The following SBNO1 variants were observed in gnomAD, a reference collection of about 807,000 sequenced individuals.
SBNO1 encodes protein strawberry notch homolog 1.
Under a neutral mutation model 173.6 loss-of-function variants are expected in SBNO1, and 23 were observed. That is an observed-to-expected ratio of 0.13 (90% CI 0.10 to 0.19). The LOEUF is 0.19. SBNO1 is among the 10% of genes least tolerant of loss of function. The probability of loss-of-function intolerance (pLI) is 1.00; values close to 1 mark genes in which losing one functional copy is unlikely to be tolerated. For synonymous variants in SBNO1, 632 were observed against 571.5 expected (o/e 1.11, Z -1.51); for missense variants, 1,238 against 1,671.2 (o/e 0.74, Z 4.52).
At chr12:123,301,657 C>A (rs892024605) in intron 30 of SBNO1, among the ~76,000 whole-genome samples, 1 of 152,174 alleles carries the variant, frequency 6.6e-6, no homozygotes, top group African/African-American at 2.4e-5. Flanking sequence ...CAAGACTCAA[C>A]AACAAAAGTT....
intron 28 of SBNO1, among the ~76,000 whole-genome samples, chr12:123,308,878 C>A (rs2048987060): frequency 6.6e-6 from 1 of 152,110 alleles, no homozygotes; most frequent in African/African-American, 2.4e-5. Context: ...CCGAGGCAGG[C>A]AGGTCACCTG....
intron 16 of SBNO1, among the ~76,000 whole-genome samples, chr12:123,322,357 T>A (rs1193017989): frequency 6.6e-6 from 1 of 151,984 alleles, no homozygotes; most frequent in East Asian, 1.9e-4. Flanking sequence ...TGCAGTGGCA[T>A]AATCTTGGCT....
Position 123,323,726 on chromosome 12 carries a change from C to A in SBNO1, c.2079G>T (p.Ser693=). ...IDLTAPSNNS[S]PRDSPCKENK... is the part of the protein sequence containing the mutation. ...TTTCTTTACAAGGACTATCTCTTGGCGAACTGTTGTTACTTGGAGCTGTCA... is the reference window on the plus strand; with the variant it reads ...TTTCTTTACAAGGACTATCTCTTGGAGAACTGTTGTTACTTGGAGCTGTCA... The change falls in exon 16 of 32, where the codon TCG becomes TCT. Residue 693 remains serine, a synonymous_variant. Coordinates refer to ENST00000602398, the MANE Select transcript of SBNO1 (RefSeq NM_001167856.3). 1.2e-6 allele frequency: 2 copies of A among 1,612,084 alleles called. No homozygotes were observed. Among genetic ancestry groups the A allele is most frequent in the Non-Finnish European group, 1.7e-6 (2 of 1,179,328 alleles).
chr12:123,332,953 T>C (rs573103828), intron 7 of SBNO1, among the ~76,000 whole-genome samples: 8 of 150,968 alleles, frequency 5.3e-5, no homozygotes, highest in Non-Finnish European at 1.2e-4. Context: ...TAAAACCCCA[T>C]CTCCACTAAA....
rs546234185 is a variant in SBNO1 at position 123,314,107 on chromosome 12, A to G, written c.3121-388T>C. On this transcript the variant is annotated intron_variant, in intron 23 of 31. Coordinates refer to ENST00000602398, the MANE Select transcript of SBNO1 (RefSeq NM_001167856.3). ...CTCTCAACAAAACCCCAAAAAACCCACAAACTTATTGTACCAAAGATTCAA... is the reference window on the plus strand; with the variant it reads ...CTCTCAACAAAACCCCAAAAAACCCGCAAACTTATTGTACCAAAGATTCAA... Among the ~76,000 whole-genome samples the G allele has an allele frequency of 2.0e-5, 3 of 152,194 alleles. No homozygotes were observed. In the East Asian group the frequency reaches 5.8e-4, roughly 29 times the overall value.
Position 123,295,992 on chromosome 12 carries a change from G to C in SBNO1, c.4098C>G (p.Asp1366Glu). The C allele has an allele frequency of 1.2e-6, 2 of 1,613,964 alleles. No homozygotes were observed. Among genetic ancestry groups the C allele is most frequent in the Non-Finnish European group, 1.7e-6 (2 of 1,179,854 alleles). The change falls in exon 32 of 32, where the codon GAC (aspartate) becomes GAG (glutamate). Residue 1366 changes from aspartate to glutamate, a missense_variant. Physicochemically the swap from Asp to Glu is conservative, Grantham distance 45 (BLOSUM62 2). Around this residue, in one of 14 missense-constraint regions of SBNO1, gnomAD observed 351 missense variants for 420.3 expected, o/e 0.84. Coordinates refer to ENST00000602398, the MANE Select transcript of SBNO1 (RefSeq NM_001167856.3). ...SPLVNLLSTS[D>E]QSQQLAVQQK... ...GTTGGACCGCAAGCTGTTGAGACTG[G>C]TCTGAAGTTGATAGGAGATTTACAA...
intron 6 of SBNO1, among the ~76,000 whole-genome samples, chr12:123,335,183 T>C (rs1593382970): frequency 6.6e-6 from 1 of 152,178 alleles, no homozygotes. Flanking sequence ...CTCACGCCTG[T>C]AATCTCAGCA....
rs747256208 is a variant in SBNO1, at chr12:123,289,665, C to T, written c.*6243G>A. The T allele has an allele frequency of 2.0e-5, 3 of 152,204 alleles. No homozygotes were observed. The highest frequency in any genetic ancestry group is 1.9e-4 in the East Asian group (1 of 5,208). 9.4% of individuals were successfully genotyped at this position (152,204 alleles called of 1,614,324 possible). On this transcript the variant is annotated 3_prime_UTR_variant, in exon 32 of 32. Coordinates refer to ENST00000602398, the MANE Select transcript of SBNO1 (RefSeq NM_001167856.3). ...AGAGATACAGTGTACCTCTTCCCAC[C>T]TCTCATGGATGATGGAAGATACAAG...
chr12:123,314,977 A>G (rs1869105565), intron 23 of SBNO1, among the ~76,000 whole-genome samples: 1 of 151,648 alleles, frequency 6.6e-6, no homozygotes, highest in African/African-American at 2.4e-5. Flanking sequence ...TCCTGACCTC[A>G]AGTGATCCAC....
intron 28 of SBNO1, among the ~76,000 whole-genome samples, chr12:123,305,488 G>GT (rs1474941733): frequency 2.6e-5 from 4 of 151,124 alleles, no homozygotes; most frequent in African/African-American, 9.7e-5. Flanking sequence ...TTTTTTTTTT[G>GT]TTTTTGAGAC....
At chr12:123,344,417 G>T (rs1334490229) in intron 4 of SBNO1, among the ~76,000 whole-genome samples, 1 of 152,224 alleles carries the variant, frequency 6.6e-6, no homozygotes, top group African/African-American at 2.4e-5. Flanking sequence ...CAAGGACACA[G>T]TGGTATGGAC....
intron 28 of SBNO1, among the ~76,000 whole-genome samples, chr12:123,306,533 A>G (rs796175146): frequency 2.6e-5 from 4 of 152,328 alleles, no homozygotes; most frequent in African/African-American, 9.6e-5. Flanking sequence ...CAACGGTGAT[A>G]TTCTGGCAAT....
chr12:123,363,223 G>A (rs939248258), intron 1 of SBNO1, among the ~76,000 whole-genome samples: 1 of 152,208 alleles, frequency 6.6e-6, no homozygotes, highest in African/African-American at 2.4e-5. Context: ...TTCTTTAAAA[G>A]ATGAGAGAAA....
chr12:123,338,591 A>C (rs1379466044), intron 5 of SBNO1, among the ~76,000 whole-genome samples: 2 of 151,758 alleles, frequency 1.3e-5, no homozygotes, highest in African/African-American at 2.4e-5. Flanking sequence ...GAGGCTGAGG[A>C]AGAGAATTGC....
intron 24 of SBNO1, among the ~76,000 whole-genome samples, chr12:123,313,291 T>TA (rs1868847000): frequency 6.7e-6 from 1 of 149,914 alleles, no homozygotes; most frequent in African/African-American, 2.4e-5. Context: ...AAAAATAAAA[T>TA]AAATAAATAA....
At chr12:123,355,557 T>A (rs1344234283) in intron 1 of SBNO1, among the ~76,000 whole-genome samples, 1 of 151,702 alleles carries the variant, frequency 6.6e-6, no homozygotes, top group African/African-American at 2.4e-5. Context: ...TGAGCCAAGA[T>A]CGCAGCACTG....
chr12:123,314,253 G>C (rs529984717), intron 23 of SBNO1, among the ~76,000 whole-genome samples: 12 of 151,634 alleles, frequency 7.9e-5, no homozygotes, highest in Admixed American at 7.9e-4. Context: ...TGAAACCTCC[G>C]CCTCCTGGGT....
At chr12:123,332,220 G>A (rs1336345678) in intron 7 of SBNO1, among the ~76,000 whole-genome samples, 2 of 152,194 alleles carry the variant, frequency 1.3e-5, no homozygotes, top group Admixed American at 6.5e-5. Flanking sequence ...GGTAATGAAA[G>A]TTAACAAATT....
In SBNO1 at chr12:123,291,546, A is replaced by ATT. The variant is rs1484011856; in HGVS notation, c.*4360_*4361dup. ...CAAGTGCATCCCCCCAGTACAATGCATTGCACACAACACAATAAGACATAG... is the reference window on the plus strand; with the variant it reads ...CAAGTGCATCCCCCCAGTACAATGCATTTTGCACACAACACAATAAGACATAG... On this transcript the variant is annotated 3_prime_UTR_variant, in exon 32 of 32. Transcript: ENST00000602398. The ATT allele has an allele frequency of 1.3e-5, 2 of 152,190 alleles. No homozygotes were observed. Among genetic ancestry groups the ATT allele is most frequent in the African/African-American group, 4.8e-5 (2 of 41,458 alleles). The allele number at this position is 152,190 out of a possible 1,614,324, so 9.4% of individuals were successfully genotyped here.
Sources: gnomAD v4.1 joint callset for allele counts (sites outside exome capture counted in the v4.1 genomes callset) on GRCh38, gnomAD v4.1.1 for gene constraint, gnomAD v4.1.1 regional missense constraint, MANE v1.5 for transcripts, NCBI Gene and HGNC (gene_info 2026-07-23, HGNC 2026-07-21) for gene names.